The following KCNAB2 variants were observed in gnomAD, a reference collection of about 807,000 sequenced individuals.
KCNAB2 encodes the protein potassium voltage-gated channel subfamily A regulatory beta subunit 2.
Under a neutral mutation model 63.6 loss-of-function variants are expected in KCNAB2, and 29 were observed. That is an observed-to-expected ratio of 0.46 (90% CI 0.34 to 0.62). KCNAB2 has a LOEUF of 0.62. Among genes scored for constraint, KCNAB2 ranks in the 20% least tolerant of loss-of-function variants. The pLI is 0.01. For synonymous variants in KCNAB2, 222 were observed against 224.2 expected (o/e 0.99, Z 0.09); for missense variants, 359 against 563.9 (o/e 0.64, Z 3.68).
chr1:6,082,883 G>T (rs756125703), intron 5 of KCNAB2, among the ~76,000 whole-genome samples: 1 of 152,172 alleles, frequency 6.6e-6, no homozygotes, highest in Non-Finnish European at 1.5e-5. Context: ...CCTGCCTGGG[G>T]CCAGCCAAGT....
chr1:6,049,613 C>T (rs1262468755), intron 1 of KCNAB2, among the ~76,000 whole-genome samples: 1 of 152,224 alleles, frequency 6.6e-6, no homozygotes, highest in East Asian at 1.9e-4. Context: ...GGCCATCCAG[C>T]CCTGACCAGG....
At position 6,055,955 on chromosome 1, in the gene KCNAB2, G is replaced by A. The variant is rs114647420; in HGVS notation, c.218+4201G>A. On this transcript the variant is annotated intron_variant, in intron 2 of 15. Transcript: ENST00000378083. ...CTGGGGATAGGCACTGCCCGGTGCC[G>A]CAAGAAACCAGCTGTGCCCCTGGCC... 3.7e-3 allele frequency among the ~76,000 whole-genome samples: 560 copies of A among 152,324 alleles called. 3 individuals are homozygous for A. The highest frequency in any genetic ancestry group is 0.011 in the African/African-American group (470 of 41,586).
rs1432107230 is a variant in KCNAB2 at position 6,078,734 on chromosome 1, CTGGGAATGGCGAGTCA to C, written c.301-3458_301-3443del. Among the ~76,000 whole-genome samples the C allele has an allele frequency of 3.3e-5, 5 of 152,162 alleles. No homozygotes were observed. Among genetic ancestry groups the C allele is most frequent in the African/African-American group, 1.2e-4 (5 of 41,440 alleles). On this transcript the variant is annotated intron_variant, in intron 4 of 15. Transcript: ENST00000378083. This position sits in a 1 kb window ranked among gnomAD's most constrained non-coding sequence, Gnocchi z 4.2. ...GCCAAGGCTCGCCCTGGCTGCTGCA[CTGGGAATGGCGAGTCA>C]TGAGGATGTCCCAGAGTTCAGCGTG...
upstream of KCNAB2, among the ~76,000 whole-genome samples, chr1:6,044,703 C>T (rs1232655405): frequency 6.6e-6 from 1 of 152,074 alleles, no homozygotes; most frequent in African/African-American, 2.4e-5. Context: ...AGGAAGGAAG[C>T]CTGGTAGCAG....
chr1:6,092,610 C>T (rs1571099058), intron 10 of KCNAB2, among the ~76,000 whole-genome samples: 1 of 152,244 alleles, frequency 6.6e-6, no homozygotes, highest in African/African-American at 2.4e-5. Context: ...CAAGGCCGGG[C>T]AGGCCAGGAG....
rs563374554 is a variant in KCNAB2, at chr1:6,086,631, G to A, written c.426-836G>A. On this transcript the variant is annotated intron_variant, in intron 6 of 15. Transcript: ENST00000378083. The surrounding 1 kb of genome is among the most constrained non-coding windows in gnomAD (Gnocchi z 4.2). ...CCTCTGGGAGGGGTCAAGGTCAAAC[G>A]TGGCTGGGAGGGGCCATCATTATCC... Among the ~76,000 whole-genome samples the A allele has an allele frequency of 3.3e-5, 5 of 152,272 alleles. No individual in the cohort carries two copies. Among genetic ancestry groups the A allele is most frequent in the African/African-American group, 7.2e-5 (3 of 41,570 alleles).
chr1:5,998,012 A>G (rs1479356853), intron 1 of KCNAB2, among the ~76,000 whole-genome samples: 1 of 152,234 alleles, frequency 6.6e-6, no homozygotes, highest in Non-Finnish European at 1.5e-5. Context: ...CCCTGCTGAT[A>G]GGGAAGGAGA....
intron 9 of KCNAB2, among the ~76,000 whole-genome samples, chr1:6,090,813 A>G (rs768008935): frequency 6.6e-6 from 1 of 152,162 alleles, no homozygotes; most frequent in Non-Finnish European, 1.5e-5. Context: ...GTGAAGTCGC[A>G]GTGTGGGGAC....
intron 1 of KCNAB2, among the ~76,000 whole-genome samples, chr1:6,015,620 C>A (rs1368996780): frequency 1.3e-5 from 2 of 152,228 alleles, no homozygotes; most frequent in Non-Finnish European, 2.9e-5. Flanking sequence ...GCTCCAGTGT[C>A]GATGGGGCTT....
chr1:6,021,203 G>A lies in KCNAB2; in HGVS notation c.-52-19314G>A, dbSNP rs537618030. On this transcript the variant is annotated intron_variant, in intron 1 of 16. Transcript: ENST00000341524. Reference sequence around the variant, plus strand: ...TGTAGAGACAGGGTTTCTCCATGTTGCCCAGGCTGGTCTTAAGTTCCTGGG... The same window carrying A: ...TGTAGAGACAGGGTTTCTCCATGTTACCCAGGCTGGTCTTAAGTTCCTGGG... Among the ~76,000 whole-genome samples, 5 of 152,106 alleles carry A rather than the reference G, an allele frequency of 3.3e-5. No homozygotes were observed. The South Asian group carries it at 6.2e-4, about 19-fold the overall frequency.
chr1:6,045,561 G>A (rs531150543), upstream of KCNAB2, among the ~76,000 whole-genome samples: 1 of 152,156 alleles, frequency 6.6e-6, no homozygotes, highest in African/African-American at 2.4e-5. The surrounding 1 kb of genome is among the most constrained non-coding windows in gnomAD (Gnocchi z 4.8). Context: ...TACCCATCTC[G>A]GGTGTATCCC....
intron 2 of KCNAB2, among the ~76,000 whole-genome samples, chr1:6,053,321 G>T (rs1661543182): frequency 6.6e-6 from 1 of 152,148 alleles, no homozygotes; most frequent in African/African-American, 2.4e-5. Flanking sequence ...GCCAGATCCT[G>T]GAGCTGCTGC....
chr1:6,096,215 C>G lies in KCNAB2; in HGVS notation c.949-421C>G. The G allele has an allele frequency of 2.2e-6, 1 of 454,218 alleles. No individual in the cohort carries two copies. The highest frequency in any genetic ancestry group is 1.6e-5 in the South Asian group (1 of 64,088). 28.1% of individuals were successfully genotyped at this position (454,218 alleles called of 1,614,324 possible). A position where few individuals can be genotyped will look rare whatever the true frequency, so the allele number is the denominator to read the frequency against. The stretch of plus-strand genomic sequence containing the variant: ...CCATCCCATGGCAAGGTCAGGGCCC[C>G]CCTCCAGGAGGCCCTGCAATCCTCT... On this transcript the variant is annotated intron_variant, in intron 13 of 15. Coordinates refer to ENST00000378083, the MANE Select transcript of KCNAB2 (RefSeq NM_001199862.2). This position sits in a 1 kb window ranked among gnomAD's most constrained non-coding sequence, Gnocchi z 5.9.
At chr1:6,090,101 AGAG>A (rs1346252271) in intron 8 of KCNAB2, among the ~76,000 whole-genome samples, 1 of 152,244 alleles carries the variant, frequency 6.6e-6, no homozygotes, top group Non-Finnish European at 1.5e-5. Context: ...CAGTGGCCTC[AGAG>A]GAGGGTATAT....
intron 1 of KCNAB2, among the ~76,000 whole-genome samples, chr1:6,049,191 T>C (rs1661189538): frequency 6.6e-6 from 1 of 152,180 alleles, no homozygotes; most frequent in South Asian, 2.1e-4. Flanking sequence ...TGCCAGGAAA[T>C]GCCCAGGTAT....
chr1:6,093,209 C>T (rs1293002568), intron 10 of KCNAB2, among the ~76,000 whole-genome samples: 1 of 152,222 alleles, frequency 6.6e-6, no homozygotes, highest in Non-Finnish European at 1.5e-5. Flanking sequence ...GAGGGAGAGC[C>T]AGGGCTTTTC....
upstream of KCNAB2, among the ~76,000 whole-genome samples, chr1:6,043,355 G>C (rs930235085): frequency 1.6e-4 from 24 of 152,282 alleles, no homozygotes; most frequent in African/African-American, 5.8e-4. Flanking sequence ...CAGTGACCAA[G>C]TGAGAGCCTT....
chr1:6,002,804 A>G (rs920594506), intron 1 of KCNAB2, among the ~76,000 whole-genome samples: 1 of 152,116 alleles, frequency 6.6e-6, no homozygotes, highest in Non-Finnish European at 1.5e-5. Context: ...CCCTGCAGGA[A>G]GAGGAGGCAG....
At chr1:6,049,675 C>G (rs1029215758) in intron 1 of KCNAB2, among the ~76,000 whole-genome samples, 1 of 152,210 alleles carries the variant, frequency 6.6e-6, no homozygotes, top group Non-Finnish European at 1.5e-5. Context: ...CCTGTAGGGG[C>G]TCCTCGGGGG....
Sources: gnomAD v4.1 joint callset for allele counts (sites outside exome capture counted in the v4.1 genomes callset) on GRCh38, gnomAD v4.1.1 for gene constraint, Gnocchi (gnomAD v3.1) non-coding constraint, MANE v1.5 for transcripts, NCBI Gene and HGNC (gene_info 2026-07-23, HGNC 2026-07-21) for gene names.